PDE2A: variants seen among roughly 807,000 people sequenced by gnomAD.
PDE2A encodes phosphodiesterase 2A.
In PDE2A, 53 loss-of-function variants were observed where a neutral mutation model predicts 133.6. That is an observed-to-expected ratio of 0.40 (90% CI 0.32 to 0.50). The LOEUF is 0.50. Ranked by LOEUF, PDE2A falls within the 20% of genes least tolerant of loss-of-function variation. PDE2A has a pLI of 0.73. For missense variants in PDE2A, 796 were observed against 1,232.4 expected, an observed-to-expected ratio of 0.65 and a Z score of 5.30; for synonymous variants, 491 against 490.2, an observed-to-expected ratio of 1.00 and a Z score of -0.02.
At chr11:72,599,464 G>A (rs1211938654) in intron 4 of PDE2A, among the ~76,000 whole-genome samples, 2 of 151,976 alleles carry the variant, frequency 1.3e-5, no homozygotes, top group Non-Finnish European at 2.9e-5. Context: ...GGTCCTTCAC[G>A]GCTTGTCCAA....
intron 2 of PDE2A, among the ~76,000 whole-genome samples, chr11:72,639,187 G>C (rs977721495): frequency 6.6e-6 from 1 of 152,206 alleles, no homozygotes; most frequent in Admixed American, 6.5e-5. Flanking sequence ...CCTACAGACT[G>C]CGTCAGTCTA....
chr11:72,591,968 A>C (rs950333244), intron 6 of PDE2A, among the ~76,000 whole-genome samples: 4 of 152,206 alleles, frequency 2.6e-5, no homozygotes, highest in Non-Finnish European at 5.9e-5. Context: ...CATAGCAGAA[A>C]GTGGCAGAGT....
chr11:72,663,295 C>T (rs1169896489), intron 1 of PDE2A, among the ~76,000 whole-genome samples: 2 of 152,134 alleles, frequency 1.3e-5, no homozygotes, highest in South Asian at 2.1e-4. Context: ...GGGCACACTG[C>T]GTTCTGAGAA....
chr11:72,588,827 C>G lies in PDE2A; in HGVS notation c.1027G>C (p.Val343Leu). 1 of 1,611,152 alleles carries G rather than the reference C, an allele frequency of 6.2e-7. No homozygotes were observed. The highest frequency in any genetic ancestry group is 1.1e-5 in the South Asian group (1 of 90,954). The change falls in exon 13 of 31, where the codon GTG becomes CTG. Residue 343 changes from valine (V) to leucine (L), a missense_variant. Around this residue, in one of 7 missense-constraint regions of PDE2A, gnomAD observed 417 missense variants for 475.3 expected, o/e 0.88. Coordinates refer to ENST00000334456, the MANE Select transcript of PDE2A (RefSeq NM_002599.5). ...TTGAAGGCGCAGGCCAAGGCCACCA[C>G]CTGGTCAGTGGCCCGGCTGATGACA... is the stretch of plus-strand genomic sequence containing the variant. ...VPVISRATDQ[V>L]VALACAFNKL...
chr11:72,635,470 C>T (rs896767068), intron 2 of PDE2A, among the ~76,000 whole-genome samples: 38 of 152,172 alleles, frequency 2.5e-4, no homozygotes, highest in Admixed American at 2.4e-3. Context: ...ACAGAATGTC[C>T]GTATCTCTAG....
At chr11:72,658,635 A>G (rs1001578114) in intron 1 of PDE2A, among the ~76,000 whole-genome samples, 3 of 152,116 alleles carry the variant, frequency 2.0e-5, no homozygotes, top group African/African-American at 7.2e-5. Context: ...CACCCAGCCC[A>G]CACTGCCTAT....
In PDE2A at chr11:72,578,253, G is replaced by A. The variant is rs892213916; in HGVS notation, c.2595C>T (p.His865=). The A allele has an allele frequency of 3.1e-6, 5 of 1,609,408 alleles. No homozygotes were observed. The South Asian group carries it at 4.4e-5, about 14-fold the overall frequency. ...IPELQISFME[H]IAMPIYKLLQ... ...CTCACTTGTAGATGGGCATTGCAAT[G>A]TGCTCCATGAAGCTGATTTGCAGCT... The change falls in exon 30 of 31, where the codon CAC becomes CAT. Residue 865 remains histidine (H), a synonymous_variant. Coordinates refer to ENST00000334456, the MANE Select transcript of PDE2A (RefSeq NM_002599.5). This position sits in a 1 kb window ranked among gnomAD's most constrained non-coding sequence, Gnocchi z 4.2.
At chr11:72,674,094 C>A in intron 1 of PDE2A, 43 bp downstream of exon 1, 1 of 1,592,820 alleles carries the variant, frequency 6.3e-7, no homozygotes, top group Non-Finnish European at 8.6e-7. Context: ...GTCTGTGGCA[C>A]CTCTCACAGC....
intron 2 of PDE2A, among the ~76,000 whole-genome samples, chr11:72,627,473 A>G (rs1448553020): frequency 3.3e-5 from 5 of 152,234 alleles, no homozygotes; most frequent in African/African-American, 9.6e-5. Flanking sequence ...GGAGAAAGAA[A>G]GGAAAGGTAT....
intron 1 of PDE2A, among the ~76,000 whole-genome samples, chr11:72,644,786 C>T (rs1183593474): frequency 2.6e-5 from 4 of 151,584 alleles, no homozygotes; most frequent in Non-Finnish European, 4.4e-5. Flanking sequence ...GAGACGGAGT[C>T]TCGCTCTGTC....
intron 1 of PDE2A, chr11:72,668,209 T>C (rs1163976292): frequency 1.4e-6 from 1 of 714,792 alleles, no homozygotes; most frequent in Non-Finnish European, 2.6e-6. Context: ...CTTGCCTGTC[T>C]GCCATCTGGA....
intron 1 of PDE2A, chr11:72,668,484 C>T: frequency 1.4e-6 from 1 of 703,496 alleles, no homozygotes; most frequent in Non-Finnish European, 2.6e-6. Context: ...CCTGCTCCTA[C>T]CTGCACCCCC....
In PDE2A at chr11:72,642,276, T is replaced by TGCG. The variant is rs761717652; in HGVS notation, c.119_121dup (p.Pro40dup). On this transcript the variant is annotated inframe_insertion, in exon 2 of 31. Transcript: ENST00000334456. ...TACCTGCAGGCTGTCGGCGCATGGC[T>TGCG]GCGGCGGCGGCGGCGGCTCGTCCGG... The TGCG allele has an allele frequency of 1.2e-5, 18 of 1,525,182 alleles. No individual in the cohort carries two copies. Among genetic ancestry groups the TGCG allele is most frequent in the Non-Finnish European group, 1.5e-5 (17 of 1,139,394 alleles). The allele number at this position is 1,525,182 out of a possible 1,614,324, so 94.5% of individuals were successfully genotyped here.
chr11:72,585,078 T>G (rs1267716826), intron 16 of PDE2A, 134 bp from the exon 17 acceptor site: 10 of 832,816 alleles, frequency 1.2e-5, no homozygotes, highest in Middle Eastern at 2.7e-4. Flanking sequence ...TGCTCAGGGC[T>G]GGCTGGCTCC....
intron 1 of PDE2A, among the ~76,000 whole-genome samples, chr11:72,644,228 C>T (rs2135440927): frequency 6.6e-6 from 1 of 152,312 alleles, no homozygotes; most frequent in Admixed American, 6.5e-5. Flanking sequence ...GGAGTCACAT[C>T]TGGGGACTTA....
chr11:72,600,933 G>C (rs1186535367), intron 4 of PDE2A, among the ~76,000 whole-genome samples: 1 of 151,770 alleles, frequency 6.6e-6, no homozygotes, highest in Non-Finnish European at 1.5e-5. Context: ...AAAGAATCGA[G>C]GGAAAGGTTC....
chr11:72,671,477 A>G (rs995609171), intron 1 of PDE2A, among the ~76,000 whole-genome samples: 1 of 152,000 alleles, frequency 6.6e-6, no homozygotes, highest in Non-Finnish European at 1.5e-5. Context: ...GACTGCTGGG[A>G]GCTCTTCCCC....
At chr11:72,623,213 C>T (rs1857866624) in intron 2 of PDE2A, among the ~76,000 whole-genome samples, 2 of 152,256 alleles carry the variant, frequency 1.3e-5, no homozygotes, top group South Asian at 4.1e-4. Context: ...ACCCACAGTG[C>T]CCAGCACAGC....
In PDE2A at chr11:72,674,413, G is replaced by A. The variant is rs937539517; in HGVS notation, c.-206C>T. Reference sequence around the variant, plus strand: ...CCCGCTGCCACTGCCTCTGCTGCTCGGCTGGCTCTGGGAGGAGGTTGGAGC... The same window carrying A: ...CCCGCTGCCACTGCCTCTGCTGCTCAGCTGGCTCTGGGAGGAGGTTGGAGC... On this transcript the variant is annotated 5_prime_UTR_variant, in exon 1 of 31. Coordinates refer to ENST00000334456, the MANE Select transcript of PDE2A (RefSeq NM_002599.5). 1.1e-4 allele frequency: 62 copies of A among 571,142 alleles called. No individual in the cohort carries two copies. The highest frequency in any genetic ancestry group is 1.8e-4 in the East Asian group (6 of 33,388). 35.4% of individuals were successfully genotyped at this position (571,142 alleles called of 1,614,324 possible). A position where few individuals can be genotyped will look rare whatever the true frequency, so the allele number is the denominator to read the frequency against.
Sources: gnomAD v4.1 joint callset for allele counts (sites outside exome capture counted in the v4.1 genomes callset) on GRCh38, gnomAD v4.1.1 for gene constraint, gnomAD v4.1.1 regional missense constraint, Gnocchi (gnomAD v3.1) non-coding constraint, MANE v1.5 for transcripts, NCBI Gene and HGNC (gene_info 2026-07-23, HGNC 2026-07-21) for gene names.